Variants in PAPPA observed in about 807,000 individuals in gnomAD.
The protein encoded by PAPPA is pappalysin-1.
PAPPA carries 60 observed loss-of-function variants against 164.0 expected under a neutral mutation model. That is an observed-to-expected ratio of 0.37 (90% CI 0.30 to 0.45). The LOEUF (loss-of-function observed/expected upper bound fraction) is 0.45, where lower values mean the gene tolerates loss of function less well. PAPPA is among the 20% of genes least tolerant of loss of function. The pLI, the probability that PAPPA is intolerant of heterozygous loss-of-function variation, is 1.00. For missense variants in PAPPA, 1,782 were observed against 2,087.3 expected, an observed-to-expected ratio of 0.85 and a Z score of 2.85; for synonymous variants, 875 against 814.1, an observed-to-expected ratio of 1.07 and a Z score of -1.27.
intron 7 of PAPPA, among the ~76,000 whole-genome samples, chr9:116,251,474 G>A (rs149547664): frequency 6.6e-6 from 1 of 152,318 alleles, no homozygotes; most frequent in East Asian, 1.9e-4. Context: ...ACAGGGAGGA[G>A]AAAGGAGATG....
chr9:116,167,054 A>G (rs756864234), intron 1 of PAPPA, among the ~76,000 whole-genome samples: 12 of 152,240 alleles, frequency 7.9e-5, no homozygotes, highest in Non-Finnish European at 1.6e-4. Context: ...TCAGATATGC[A>G]AAGTATATTT....
rs142187305 is a variant in PAPPA at position 116,272,102 on chromosome 9, CTTG to C, written c.2953+692_2953+694del. On this transcript the variant is annotated intron_variant, in intron 9 of 21. Transcript: ENST00000328252. The stretch of plus-strand genomic sequence containing the variant: ...TGCCTTCTCTTGGAGTCTGGCTGAT[CTTG>C]TTGTTTCAGCCCCACTTGGGAGGCC... Among the ~76,000 whole-genome samples the C allele has an allele frequency of 3.7e-3, 567 of 152,266 alleles. 4 individuals are homozygous for C. Among genetic ancestry groups the C allele is most frequent in the African/African-American group, 0.013 (540 of 41,550 alleles).
At chr9:116,197,459 C>T (rs1232580020) in intron 2 of PAPPA, among the ~76,000 whole-genome samples, 2 of 152,216 alleles carry the variant, frequency 1.3e-5, no homozygotes, top group East Asian at 3.9e-4. Context: ...CCAGCAGTGG[C>T]CTTGTGATGG....
rs376011292 is a variant in PAPPA at position 116,377,626 on chromosome 9, T to A, written c.4656T>A (p.Ile1552=). 2.5e-6 allele frequency: 4 copies of A among 1,613,694 alleles called. No individual in the cohort carries two copies. The highest frequency in any genetic ancestry group is 3.4e-6 in the Non-Finnish European group (4 of 1,179,576). ...GLKWYPHPAL[I]HCVKGCEPFM... ...AGTGGTATCCTCACCCTGCTCTGAT[T>A]CACTGTGTCAAAGGCTGTGAGGTGA... The change falls in exon 20 of 22, where the codon ATT becomes ATA. Residue 1552 remains isoleucine, a synonymous_variant. Transcript: ENST00000328252.
At chr9:116,361,884 T>TA (rs762328599) in intron 17 of PAPPA, among the ~76,000 whole-genome samples, 7 of 152,216 alleles carry the variant, frequency 4.6e-5, no homozygotes, top group Non-Finnish European at 1.0e-4. Flanking sequence ...AAGAAGGGAT[T>TA]ATGTCTTCAA....
chr9:116,156,330 A>ATATGTG (rs796777806), intron 1 of PAPPA, among the ~76,000 whole-genome samples: 1 of 82,232 alleles, frequency 1.2e-5, no homozygotes, highest in African/African-American at 3.7e-5. Context: ...GTATATATAT[A>ATATGTG]TGTGTATATA....
intron 18 of PAPPA, among the ~76,000 whole-genome samples, chr9:116,365,303 A>C (rs1250761350): frequency 6.6e-6 from 1 of 152,032 alleles, no homozygotes; most frequent in East Asian, 1.9e-4. Flanking sequence ...AGCCCTCAGA[A>C]AGTTGCTGCT....
intron 17 of PAPPA, 96 bp from the exon 18 acceptor site, chr9:116,362,496 G>A (rs1444406193): frequency 2.8e-5 from 37 of 1,340,284 alleles, no homozygotes; most frequent in Non-Finnish European, 3.7e-5. Context: ...CAGAGCTCTG[G>A]AGAGATGAAA....
At chr9:116,286,707 A>C (rs1251774597) in intron 9 of PAPPA, 2 of 152,238 alleles carry the variant, frequency 1.3e-5, no homozygotes, top group African/African-American at 2.4e-5. Context: ...TGTGCAGTTT[A>C]ACTGTGGCAC....
chr9:116,221,654 G>A (rs918162632), intron 5 of PAPPA, among the ~76,000 whole-genome samples: 4 of 152,020 alleles, frequency 2.6e-5, no homozygotes, highest in Admixed American at 6.6e-5. Flanking sequence ...TCTCAGACTC[G>A]TATGTGCTTT....
intron 1 of PAPPA, among the ~76,000 whole-genome samples, chr9:116,174,046 AT>A (rs1377976326): frequency 2.0e-5 from 3 of 152,148 alleles, no homozygotes; most frequent in Non-Finnish European, 4.4e-5. Flanking sequence ...TAGGTGAGTT[AT>A]TTGGACTCTC....
rs55679739 is a variant in PAPPA at position 116,352,792 on chromosome 9, C to A, written c.4051C>A (p.Pro1351Thr). The change falls in exon 16 of 22, where the codon CCT becomes ACT. Residue 1351 changes from proline (P) to threonine (T), a missense_variant. By Grantham distance (38) the Pro-to-Thr change is conservative. This residue lies in a region of PAPPA where 1,324 missense variants were observed against 1,656.9 expected (regional missense o/e 0.80). Transcript: ENST00000328252. ...LCELMCLAPP[P>T]VPNADLQTAR... Reference sequence around the variant, plus strand: ...TGAGCTCATGTGCCTCGCTCCACCCCCTGTGCCCAATGCAGACCTCCAGAC... The same window carrying A: ...TGAGCTCATGTGCCTCGCTCCACCCACTGTGCCCAATGCAGACCTCCAGAC... 191 of 1,613,906 alleles carry A rather than the reference C, an allele frequency of 1.2e-4. 2 individuals carry two copies. The South Asian group carries it at 1.2e-3, about 10-fold the overall frequency.
chr9:116,314,894 C>G (rs1351703857), intron 10 of PAPPA, among the ~76,000 whole-genome samples: 1 of 152,200 alleles, frequency 6.6e-6, no homozygotes, highest in Non-Finnish European at 1.5e-5. Context: ...TGAGCACAAG[C>G]TGACTTTCAG....
chr9:116,302,797 A>G lies in PAPPA; in HGVS notation c.2994A>G (p.Val998=), dbSNP rs781460042. The change falls in exon 10 of 22, where the codon GTA becomes GTG. Residue 998 remains valine, a synonymous_variant. Coordinates refer to ENST00000328252, the MANE Select transcript of PAPPA (RefSeq NM_002581.5). The part of the protein sequence containing the change: ...SRCYFHDGDG[V]CEEFEQKTSI... ...GCTATTTCCATGATGGTGATGGGGT[A>G]TGTGAGGAGTTTGAACAAAAAACCA... 1.9e-6 allele frequency: 3 copies of G among 1,613,922 alleles called. No homozygotes were observed. The highest frequency in any genetic ancestry group is 1.3e-5 in the African/African-American group (1 of 74,992).
At position 116,296,946 on chromosome 9, in the gene PAPPA, C is replaced by A. The variant is rs113990166; in HGVS notation, c.2954-5811C>A. ...CTCAGCTCACTGCAACCTCCACCTC[C>A]CATGTTCAACTGATTCTCCTGCCTC... On this transcript the variant is annotated intron_variant, in intron 9 of 21. Transcript: ENST00000328252. Among the ~76,000 whole-genome samples the A allele has an allele frequency of 1.0e-3, 156 of 152,190 alleles. 1 individual carries two copies. Among genetic ancestry groups the A allele is most frequent in the Non-Finnish European group, 1.7e-3 (118 of 68,026 alleles).
At chr9:116,284,595 C>G (rs571425610) in intron 9 of PAPPA, among the ~76,000 whole-genome samples, 3 of 108,594 alleles carry the variant, frequency 2.8e-5, no homozygotes, top group African/African-American at 1.1e-4. Flanking sequence ...TATCTAATTG[C>G]TCTACTTTGA....
rs1423547021 is a variant in PAPPA at position 116,202,109 on chromosome 9, G to C, written c.1479-5347G>C. 4.6e-5 allele frequency among the ~76,000 whole-genome samples: 7 copies of C among 152,304 alleles called. No individual in the cohort carries two copies. In the South Asian group the frequency reaches 8.3e-4, roughly 18 times the overall value. On this transcript the variant is annotated intron_variant, in intron 2 of 21. Coordinates refer to ENST00000328252, the MANE Select transcript of PAPPA (RefSeq NM_002581.5). The stretch of plus-strand genomic sequence containing the variant: ...CAGTCTTGATCTGGGCTCACTGTAA[G>C]CTGTACCATTGAAACGGGAAGGCCA...
intron 20 of PAPPA, 146 bp from the exon 21 acceptor site, chr9:116,382,248 AG>A: frequency 1.6e-6 from 1 of 635,808 alleles, no homozygotes; most frequent in Non-Finnish European, 2.9e-6. Context: ...AACTCATTCA[AG>A]GGGGTGTTGG....
chr9:116,308,433 C>T (rs1476562073), intron 10 of PAPPA, among the ~76,000 whole-genome samples: 1 of 152,222 alleles, frequency 6.6e-6, no homozygotes, highest in Non-Finnish European at 1.5e-5. Flanking sequence ...CCAAATTTCA[C>T]GAATCCTACT....
Sources: allele counts gnomAD v4.1 joint callset (sites outside exome capture counted in the v4.1 genomes callset), GRCh38; gene constraint gnomAD v4.1.1; regional missense constraint gnomAD v4.1.1; transcripts MANE v1.5; gene names NCBI Gene and HGNC (gene_info 2026-07-23, HGNC 2026-07-21).